The following RYR3 variants were observed in gnomAD, a reference collection of about 807,000 sequenced individuals.
RYR3 encodes ryanodine receptor 3.
RYR3 carries 207 observed loss-of-function variants against 584.3 expected under a neutral mutation model. The observed-to-expected ratio is 0.35, with a 90% CI of 0.32 to 0.40. The LOEUF (loss-of-function observed/expected upper bound fraction) is 0.40. RYR3 is among the 10% of genes least tolerant of loss of function. The pLI is 1.00. For missense variants in RYR3, 5,616 were observed against 6,089.2 expected (o/e 0.92, Z 2.59); for synonymous variants, 2,416 against 2,248.5 (o/e 1.07, Z -2.11).
chr15:33,465,444 G>C (rs948100146), intron 1 of RYR3, among the ~76,000 whole-genome samples: 1 of 152,032 alleles, frequency 6.6e-6, no homozygotes, highest in Non-Finnish European at 1.5e-5. Flanking sequence ...GCATGCAAAG[G>C]TTCCCTTTTT....
At chr15:33,591,645 C>T (rs1321319547) in intron 16 of RYR3, among the ~76,000 whole-genome samples, 1 of 152,184 alleles carries the variant, frequency 6.6e-6, no homozygotes, top group East Asian at 1.9e-4. Context: ...GCATTTTCTA[C>T]TTGCCCCTGA....
intron 85 of RYR3, 178 bp from the exon 86 acceptor site, chr15:33,830,785 T>G (rs2077630554): frequency 1.9e-6 from 1 of 521,802 alleles, no homozygotes; most frequent in African/African-American, 1.9e-5. Flanking sequence ...GCAGGGATAT[T>G]TGTGCATGAA....
At chr15:33,681,134 C>T (rs2064577237) in intron 38 of RYR3, among the ~76,000 whole-genome samples, 1 of 152,216 alleles carries the variant, frequency 6.6e-6, no homozygotes, top group African/African-American at 2.4e-5. Flanking sequence ...ACATAGAAGA[C>T]TGTATCTCTC....
rs2059760160 is a variant in RYR3, at chr15:33,603,269, A to G, written c.2069A>G (p.Tyr690Cys). ...GTGGGCTGGGCCTCTTCTTCAGGCT[A>G]TGCCCCATACCCAGGAGGTGGAGAA... ...LRVGWASSSG[Y>C]APYPGGGEGW... is the part of the protein sequence containing the mutation. The change falls in exon 18 of 104, where the codon TAT becomes TGT. Residue 690 changes from tyrosine to cysteine, a missense_variant. Tyr to Cys is a radical substitution (Grantham distance 194, BLOSUM62 -2). Coordinates refer to ENST00000634891, the MANE Select transcript of RYR3 (RefSeq NM_001036.6). 2 of 1,613,768 alleles carry G rather than the reference A, an allele frequency of 1.2e-6. No individual in the cohort carries two copies. Among genetic ancestry groups the G allele is most frequent in the South Asian group, 2.2e-5 (2 of 91,076 alleles).
intron 1 of RYR3, among the ~76,000 whole-genome samples, chr15:33,438,907 C>A (rs1289051181): frequency 6.6e-6 from 1 of 152,070 alleles, no homozygotes; most frequent in African/African-American, 2.4e-5. Context: ...CAAAAGGATA[C>A]ATAACAAATA....
chr15:33,669,216 G>T, intron 36 of RYR3, 138 bp from the exon 37 acceptor site: 2 of 522,636 alleles, frequency 3.8e-6, no homozygotes, highest in Non-Finnish European at 6.6e-6. Context: ...TGTAAATATT[G>T]GCCACTTTTA....
chr15:33,611,364 G>A (rs1259362619), intron 18 of RYR3, among the ~76,000 whole-genome samples: 2 of 152,008 alleles, frequency 1.3e-5, no homozygotes, highest in Non-Finnish European at 2.9e-5. Flanking sequence ...AGACCATCCT[G>A]GCTAACACGG....
intron 17 of RYR3, 103 bp from the exon 18 acceptor site, chr15:33,603,020 T>C: frequency 8.2e-7 from 1 of 1,218,612 alleles, no homozygotes; most frequent in Non-Finnish European, 1.2e-6. Context: ...AGCATTGCTC[T>C]TGTCCTACGT....
At chr15:33,434,018 T>G (rs1204475632) in intron 1 of RYR3, among the ~76,000 whole-genome samples, 1 of 152,232 alleles carries the variant, frequency 6.6e-6, no homozygotes, top group Non-Finnish European at 1.5e-5. Flanking sequence ...ATTCCAACTG[T>G]GGAAGCACCC....
intron 93 of RYR3, among the ~76,000 whole-genome samples, chr15:33,846,089 C>G (rs1286043050): frequency 6.6e-6 from 1 of 152,226 alleles, no homozygotes; most frequent in Non-Finnish European, 1.5e-5. Context: ...CTCTCTGTCT[C>G]CCTCTTTCTC....
intron 10 of RYR3, among the ~76,000 whole-genome samples, chr15:33,557,004 T>C (rs2057110252): frequency 6.6e-6 from 1 of 152,204 alleles, no homozygotes; most frequent in Non-Finnish European, 1.5e-5. Flanking sequence ...ATGTTAACCT[T>C]TAAGCAACTA....
chr15:33,379,355 G>A (rs2040984651), intron 1 of RYR3, among the ~76,000 whole-genome samples: 1 of 152,180 alleles, frequency 6.6e-6, no homozygotes, highest in Admixed American at 6.5e-5. Flanking sequence ...GAGTGGAAGT[G>A]AAGGGCCATG....
At chr15:33,472,814 C>T (rs1476268111) in intron 1 of RYR3, among the ~76,000 whole-genome samples, 1 of 152,148 alleles carries the variant, frequency 6.6e-6, no homozygotes, top group East Asian at 1.9e-4. Context: ...GTTCCTCCTC[C>T]TCTTACCTGA....
chr15:33,804,363 G>C (rs1199520823), intron 69 of RYR3, among the ~76,000 whole-genome samples: 2 of 152,192 alleles, frequency 1.3e-5, no homozygotes, highest in Non-Finnish European at 2.9e-5. Context: ...CCTGAGTTAA[G>C]ACACTGTGTA....
Position 33,822,732 on chromosome 15 carries a change from G to A in RYR3, c.10996-264G>A, listed in dbSNP as rs577178649. ...GCTATTCAGATTATAACTCAGCTTC[G>A]TGATACATTACTATATCACGGCCTT... On this transcript the variant is annotated intron_variant, in intron 80 of 103. Coordinates refer to ENST00000634891, the MANE Select transcript of RYR3 (RefSeq NM_001036.6). 7.2e-5 allele frequency among the ~76,000 whole-genome samples: 11 copies of A among 152,334 alleles called. 1 individual carries two copies. In the East Asian group the frequency reaches 9.7e-4, roughly 13 times the overall value.
chr15:33,548,339 A>G lies in RYR3; in HGVS notation c.815+135A>G, dbSNP rs1014654839. The G allele has an allele frequency of 1.0e-5, 6 of 588,500 alleles. No individual in the cohort carries two copies. The African/African-American group carries it at 1.2e-4, about 11-fold the overall frequency. The allele number at this position is 588,500 out of a possible 1,614,324, so 36.5% of individuals were successfully genotyped here. On this transcript the variant is annotated intron_variant, in intron 9 of 103. Coordinates refer to ENST00000634891, the MANE Select transcript of RYR3 (RefSeq NM_001036.6). ...CCTTTGTCTAGAGCTAAGTTCTGAT[A>G]TTTCTGTGACTTTGTTTTTAAAGAA...
intron 1 of RYR3, among the ~76,000 whole-genome samples, chr15:33,312,492 T>G (rs1967477914): frequency 6.6e-6 from 1 of 152,132 alleles, no homozygotes; most frequent in Non-Finnish European, 1.5e-5. Context: ...TCTCTCACAC[T>G]GCACACAAGA....
At chr15:33,773,855 A>G (rs2073807106) in intron 64 of RYR3, among the ~76,000 whole-genome samples, 1 of 152,208 alleles carries the variant, frequency 6.6e-6, no homozygotes, top group African/African-American at 2.4e-5. Flanking sequence ...CTGGAGAAGC[A>G]ATATAGCCAA....
intron 16 of RYR3, among the ~76,000 whole-genome samples, chr15:33,598,056 G>A (rs2059461587): frequency 6.6e-6 from 1 of 151,726 alleles, no homozygotes; most frequent in Admixed American, 6.6e-5. Flanking sequence ...ATAAAGTACA[G>A]AGAGAAAAAG....
Sources: gnomAD v4.1 joint callset for allele counts (sites outside exome capture counted in the v4.1 genomes callset) on GRCh38, gnomAD v4.1.1 for gene constraint, MANE v1.5 for transcripts, NCBI Gene and HGNC (gene_info 2026-07-23, HGNC 2026-07-21) for gene names.